Variants in DLG2 observed in about 807,000 individuals in gnomAD.
DLG2 encodes disks large homolog 2.
DLG2 carries 45 observed loss-of-function variants against 132.5 expected under a neutral mutation model. The observed-to-expected ratio is 0.34, with a 90% confidence interval of 0.27 to 0.44. The LOEUF (loss-of-function observed/expected upper bound fraction) is 0.44. Ranked by LOEUF, DLG2 falls within the 20% of genes least tolerant of loss-of-function variation. The pLI, the probability that DLG2 is intolerant of heterozygous loss-of-function variation, is 1.00. For synonymous variants in DLG2, 424 were observed against 419.6 expected (o/e 1.01, Z -0.13); for missense variants, 1,045 against 1,196.9 (o/e 0.87, Z 1.87).
chr11:85,070,625 A>G (rs1036428993), intron 6 of DLG2, among the ~76,000 whole-genome samples: 4 of 151,860 alleles, frequency 2.6e-5, no homozygotes, highest in South Asian at 2.1e-4. Context: ...TAAGTCCCAT[A>G]GCCTGTATCT....
intron 3 of DLG2, among the ~76,000 whole-genome samples, chr11:85,390,833 A>C (rs2086736368): frequency 6.6e-6 from 1 of 152,108 alleles, no homozygotes; most frequent in Non-Finnish European, 1.5e-5. Flanking sequence ...CTATATCAAA[A>C]AGTGTAAAAG....
Position 84,182,648 on chromosome 11 carries a change from G to A in DLG2, c.574-19137C>T, listed in dbSNP as rs150566492. Among the ~76,000 whole-genome samples the A allele has an allele frequency of 1.4e-3, 209 of 152,234 alleles. 1 individual carries two copies. The highest frequency in any genetic ancestry group is 4.7e-3 in the African/African-American group (195 of 41,568). On this transcript the variant is annotated intron_variant, in intron 8 of 27. Transcript: ENST00000376104. The stretch of plus-strand genomic sequence containing the variant: ...TAGCATCGAATGAATGTATATAAAT[G>A]AAGAAACATCTAAAATCAATAATCT...
chr11:85,362,129 G>T (rs2152901961), intron 3 of DLG2, among the ~76,000 whole-genome samples: 1 of 152,090 alleles, frequency 6.6e-6, no homozygotes, highest in South Asian at 2.1e-4. Context: ...TCTAATTTTT[G>T]CATTTTTGTA....
chr11:84,272,996 G>C (rs1257630597), intron 7 of DLG2, among the ~76,000 whole-genome samples: 1 of 151,912 alleles, frequency 6.6e-6, no homozygotes, highest in Non-Finnish European at 1.5e-5. Context: ...TTCATACAGA[G>C]AAAAACCATA....
intron 3 of DLG2, among the ~76,000 whole-genome samples, chr11:85,586,844 T>C (rs183019053): frequency 1.5e-4 from 23 of 152,344 alleles, no homozygotes; most frequent in Admixed American, 1.3e-3. Context: ...TGCTATGAAC[T>C]TTCCTCATAG....
rs187096723 is a variant in DLG2, at chr11:84,132,313, T to C, written c.624+31148A>G. Among the ~76,000 whole-genome samples the C allele has an allele frequency of 5.3e-5, 8 of 152,136 alleles. No individual in the cohort carries two copies. The South Asian group carries it at 8.3e-4, about 16-fold the overall frequency. ...ATCAGGGTGTTGGCAAGATACCTGA[T>C]ATCTATAAGCTTTAAGCTTGTAGTT... On this transcript the variant is annotated intron_variant, in intron 9 of 27. Transcript: ENST00000376104.
intron 7 of DLG2, among the ~76,000 whole-genome samples, chr11:84,362,694 G>A (rs1199640931): frequency 6.6e-6 from 1 of 151,850 alleles, no homozygotes; most frequent in Non-Finnish European, 1.5e-5. Flanking sequence ...AGAGTGTGAT[G>A]TTCCCCTTCC....
chr11:83,977,541 T>C (rs1224062972), intron 12 of DLG2, among the ~76,000 whole-genome samples: 1 of 152,054 alleles, frequency 6.6e-6, no homozygotes, highest in African/African-American at 2.4e-5. Context: ...AGTTTTGTTT[T>C]AGGCAGGAGG....
At chr11:85,483,703 G>C (rs1003803703) in intron 3 of DLG2, among the ~76,000 whole-genome samples, 18 of 151,956 alleles carry the variant, frequency 1.2e-4, no homozygotes, top group Non-Finnish European at 2.6e-4. Context: ...CAGAACTTTG[G>C]GATGCCAAGG....
chr11:84,054,081 A>T (rs1196821166), intron 11 of DLG2, among the ~76,000 whole-genome samples: 1 of 152,082 alleles, frequency 6.6e-6, no homozygotes, highest in Non-Finnish European at 1.5e-5. Flanking sequence ...ACCTTTGGAT[A>T]TCAATTAATA....
chr11:84,385,065 C>A (rs530616942), intron 7 of DLG2, among the ~76,000 whole-genome samples: 1 of 152,182 alleles, frequency 6.6e-6, no homozygotes, highest in South Asian at 2.1e-4. Context: ...GCATAACTCC[C>A]AATTTGCCTC....
At chr11:85,364,028 T>C (rs1169887857) in intron 3 of DLG2, among the ~76,000 whole-genome samples, 1 of 152,182 alleles carries the variant, frequency 6.6e-6, no homozygotes, top group Non-Finnish European at 1.5e-5. Context: ...TATATATAAT[T>C]GTATTAGCAG....
chr11:84,960,814 GTGA>G (rs1301763380), intron 6 of DLG2, among the ~76,000 whole-genome samples: 1 of 151,840 alleles, frequency 6.6e-6, no homozygotes, highest in Non-Finnish European at 1.5e-5. Context: ...GATGATGATG[GTGA>G]TGATGACAAT....
chr11:83,695,750 A>T (rs915243097), intron 18 of DLG2, among the ~76,000 whole-genome samples: 2 of 151,942 alleles, frequency 1.3e-5, no homozygotes, highest in South Asian at 4.2e-4. Context: ...AAAAAAGAAA[A>T]TCCTCAAAAA....
intron 6 of DLG2, among the ~76,000 whole-genome samples, chr11:84,845,682 C>CTTT (rs11411513): frequency 2.2e-5 from 3 of 138,832 alleles, no homozygotes; most frequent in African/African-American, 2.6e-5. Flanking sequence ...GATCGTCACT[C>CTTT]TTTTTTTTTT....
chr11:85,462,254 G>A (rs536898088), intron 3 of DLG2, among the ~76,000 whole-genome samples: 6 of 152,108 alleles, frequency 3.9e-5, no homozygotes, highest in African/African-American at 1.4e-4. Context: ...GATTCCTCAG[G>A]GATCTAGAAC....
intron 19 of DLG2, among the ~76,000 whole-genome samples, chr11:83,582,791 A>G (rs1362466459): frequency 1.3e-5 from 2 of 152,246 alleles, no homozygotes. Flanking sequence ...ATTCTACTAT[A>G]TGTTTTACTT....
At chr11:85,209,365 C>T (rs1026481695) in intron 4 of DLG2, among the ~76,000 whole-genome samples, 3 of 150,834 alleles carry the variant, frequency 2.0e-5, no homozygotes, top group African/African-American at 7.3e-5. Context: ...GCATCAAAGA[C>T]CATGGAGCAG....
intron 4 of DLG2, among the ~76,000 whole-genome samples, chr11:85,225,213 A>G (rs1008329467): frequency 3.3e-5 from 5 of 151,968 alleles, no homozygotes; most frequent in African/African-American, 4.8e-5. Flanking sequence ...ATGGTTTCCA[A>G]CCTCTTCTAG....
Sources: gnomAD v4.1 joint callset for allele counts (sites outside exome capture counted in the v4.1 genomes callset) on GRCh38, gnomAD v4.1.1 for gene constraint, MANE v1.5 for transcripts, NCBI Gene and HGNC (gene_info 2026-07-23, HGNC 2026-07-21) for gene names.